USP39: variants seen among roughly 807,000 people sequenced by gnomAD.
USP39 encodes the protein ubiquitin carboxyl-terminal hydrolase 39.
In USP39, 38 loss-of-function variants were observed where a neutral mutation model predicts 66.4. The observed-to-expected ratio is 0.57, with a 90% CI of 0.44 to 0.75. The LOEUF (loss-of-function observed/expected upper bound fraction) is 0.75. Ranked by LOEUF, USP39 falls within the 30% of genes least tolerant of loss-of-function variation. USP39 has a pLI of 0.00. For missense variants in USP39, 608 were observed against 714.4 expected (o/e 0.85, Z 1.70); for synonymous variants, 303 against 274.6 (o/e 1.10, Z -1.02).
At chr2:85,626,499 G>A (rs1432276539) in intron 5 of USP39, among the ~76,000 whole-genome samples, 1 of 152,212 alleles carries the variant, frequency 6.6e-6, no homozygotes, top group African/African-American at 2.4e-5. Context: ...CTGTCAAATG[G>A]TGAGGCTTTT....
intron 1 of USP39, among the ~76,000 whole-genome samples, chr2:85,604,771 T>C (rs1273382105): frequency 1.3e-5 from 2 of 152,214 alleles, no homozygotes; most frequent in African/African-American, 4.8e-5. Flanking sequence ...TGAACCCTAA[T>C]TGGAAGCTTT....
intron 5 of USP39, among the ~76,000 whole-genome samples, chr2:85,628,384 A>T (rs1462041254): frequency 6.6e-6 from 1 of 152,004 alleles, no homozygotes; most frequent in East Asian, 1.9e-4. Flanking sequence ...TGACTTCGTG[A>T]TCTGCTCGCC....
intron 10 of USP39, 73 bp from the exon 11 acceptor site, chr2:85,644,875 G>A (rs1184410508): frequency 1.2e-5 from 19 of 1,580,884 alleles, no homozygotes; most frequent in East Asian, 9.1e-5. Flanking sequence ...TTTGTGGTCC[G>A]TTTGTGTAGG....
At chr2:85,633,065 T>A (rs1369301678) in intron 6 of USP39, among the ~76,000 whole-genome samples, 1 of 151,846 alleles carries the variant, frequency 6.6e-6, no homozygotes, top group Non-Finnish European at 1.5e-5. Context: ...ATGGCCTGCT[T>A]TATAAGCTAC....
At chr2:85,625,180 A>T (rs1674755143) in intron 4 of USP39, among the ~76,000 whole-genome samples, 1 of 152,116 alleles carries the variant, frequency 6.6e-6, no homozygotes, top group African/African-American at 2.4e-5. Flanking sequence ...CCTGCTCCAA[A>T]GCTAGGTCCA....
At chr2:85,608,286 CT>C (rs1673291303), upstream of USP39, 1 of 152,192 alleles carries the variant, frequency 6.6e-6, no homozygotes, top group Admixed American at 6.6e-5. Context: ...GGGAGACATG[CT>C]TGCAAATAGG....
At chr2:85,605,142 G>A (rs1673171326) in intron 1 of USP39, among the ~76,000 whole-genome samples, 1 of 152,040 alleles carries the variant, frequency 6.6e-6, no homozygotes, top group Admixed American at 6.6e-5. Context: ...GTGTGGCAAA[G>A]CAAGAGATGA....
At chr2:85,608,430 G>C (rs1474283101), upstream of USP39, 1 of 152,276 alleles carries the variant, frequency 6.6e-6, no homozygotes, top group African/African-American at 2.4e-5. Context: ...ATTTGGAGGG[G>C]GAGGAAAACT....
chr2:85,611,567 G>A (rs1673528571), upstream of USP39: 2 of 1,551,154 alleles, frequency 1.3e-6, no homozygotes, highest in South Asian at 1.2e-5. Flanking sequence ...GACGAGATGA[G>A]CTGAACCTTA....
At chr2:85,630,975 C>G (rs1675279015) in intron 6 of USP39, 29 bp downstream of exon 6, 5 of 1,590,282 alleles carry the variant, frequency 3.1e-6, no homozygotes, top group Non-Finnish European at 8.6e-7. Flanking sequence ...TGTTTCAGGA[C>G]AACAAAACTA....
intron 10 of USP39, among the ~76,000 whole-genome samples, chr2:85,643,383 G>T (rs987160632): frequency 6.6e-6 from 1 of 151,944 alleles, no homozygotes; most frequent in Non-Finnish European, 1.5e-5. Flanking sequence ...CCAGCTACTC[G>T]GGAGGCTGAG....
intron 7 of USP39, among the ~76,000 whole-genome samples, chr2:85,636,618 C>T (rs1675798295): frequency 6.6e-6 from 1 of 152,120 alleles, no homozygotes; most frequent in Non-Finnish European, 1.5e-5. Flanking sequence ...GTTCTTCTCC[C>T]TCAGTCTCCC....
intron 1 of USP39, among the ~76,000 whole-genome samples, chr2:85,604,824 C>CT (rs1431897331): frequency 6.6e-6 from 1 of 152,210 alleles, no homozygotes; most frequent in Non-Finnish European, 1.5e-5. Context: ...GTTTGAGTCC[C>CT]TATCCAATCA....
chr2:85,645,515 C>G (rs1054401988), intron 11 of USP39, among the ~76,000 whole-genome samples: 3 of 152,132 alleles, frequency 2.0e-5, no homozygotes, highest in Non-Finnish European at 4.4e-5. Context: ...AACTCCTGAC[C>G]TTGTGATCCA....
At chr2:85,628,785 C>G (rs1020092229) in intron 5 of USP39, among the ~76,000 whole-genome samples, 1 of 152,142 alleles carries the variant, frequency 6.6e-6, no homozygotes, top group Non-Finnish European at 1.5e-5. Context: ...AGTAATTATT[C>G]TACAAACAGG....
intron 1 of USP39, among the ~76,000 whole-genome samples, chr2:85,617,911 A>C (rs1383262884): frequency 6.6e-6 from 1 of 151,398 alleles, no homozygotes; most frequent in Non-Finnish European, 1.5e-5. Context: ...TCTGAGACCC[A>C]CTCAAGTTTT....
chr2:85,603,603 T>TG (rs1317002075), intron 1 of USP39, among the ~76,000 whole-genome samples: 1 of 151,358 alleles, frequency 6.6e-6, no homozygotes, highest in Non-Finnish European at 1.5e-5. Flanking sequence ...TTCTTTTTTT[T>TG]TTTTTTGAGA....
rs754583138 is a variant in USP39, at chr2:85,630,703, G to A, written c.724-18G>A. ...CCTACAAAGGGGCTTTGGGTTAATC[G>A]GAGTGTTTGATTTTTAGGCTCTATC... On this transcript the variant is annotated intron_variant, in intron 5 of 12. Coordinates refer to ENST00000323701, the MANE Select transcript of USP39 (RefSeq NM_006590.4). 22 of 1,611,474 alleles carry A rather than the reference G, an allele frequency of 1.4e-5. No homozygotes were observed. Among genetic ancestry groups the A allele is most frequent in the Admixed American group, 5.0e-5 (3 of 59,966 alleles).
upstream of USP39, among the ~76,000 whole-genome samples, chr2:85,615,132 T>G (rs1673832363): frequency 6.6e-6 from 1 of 152,108 alleles, no homozygotes. Flanking sequence ...GCGATTCTCC[T>G]GCCTCAGCCT....
Sources: gnomAD v4.1 joint callset for allele counts (sites outside exome capture counted in the v4.1 genomes callset) on GRCh38, gnomAD v4.1.1 for gene constraint, MANE v1.5 for transcripts, NCBI Gene and HGNC (gene_info 2026-07-23, HGNC 2026-07-21) for gene names.